The following BMPER variants were observed in gnomAD, a reference collection of about 807,000 sequenced individuals.
The protein encoded by BMPER is BMP-binding endothelial regulator protein.
Under a neutral mutation model 87.3 loss-of-function variants are expected in BMPER, and 45 were observed. That is an observed-to-expected ratio of 0.52 (90% confidence interval 0.41 to 0.66). The LOEUF (loss-of-function observed/expected upper bound fraction) is 0.66, where lower values mean the gene tolerates loss of function less well. BMPER is among the 30% of genes least tolerant of loss of function. The pLI, the probability that BMPER is intolerant of heterozygous loss-of-function variation, is 0.00. For synonymous variants in BMPER, 326 were observed against 316.2 expected, an observed-to-expected ratio of 1.03 and a Z score of -0.33; for missense variants, 784 against 867.5, an observed-to-expected ratio of 0.90 and a Z score of 1.21.
In BMPER at chr7:33,970,678, A is replaced by G. The variant is rs1402254314; in HGVS notation, c.493+259A>G. On this transcript the variant is annotated intron_variant, in intron 5 of 14. Coordinates refer to ENST00000649409, the MANE Select transcript of BMPER (RefSeq NM_001365308.1). ...TTTCCACTCCACAGGGCCACAGGTA[A>G]TGCTTATTTTGGAAGAAAAGGCTGT... 6.6e-5 allele frequency among the ~76,000 whole-genome samples: 10 copies of G among 152,160 alleles called. No individual in the cohort carries two copies. In the East Asian group the frequency reaches 1.9e-3, roughly 29 times the overall value.
At chr7:34,111,321 A>G (rs961002977) in intron 13 of BMPER, among the ~76,000 whole-genome samples, 1 of 152,192 alleles carries the variant, frequency 6.6e-6, no homozygotes, top group Non-Finnish European at 1.5e-5. Context: ...CCCTGCATCA[A>G]CCATTTTTGT....
intron 6 of BMPER, among the ~76,000 whole-genome samples, chr7:33,988,125 G>A (rs970128333): frequency 6.6e-6 from 1 of 151,976 alleles, no homozygotes; most frequent in Non-Finnish European, 1.5e-5. Flanking sequence ...TTTTCATGCT[G>A]TCATTTTATT....
At chr7:34,144,624 C>A (rs750557205) in intron 14 of BMPER, among the ~76,000 whole-genome samples, 2 of 151,956 alleles carry the variant, frequency 1.3e-5, no homozygotes, top group Non-Finnish European at 2.9e-5. Flanking sequence ...ATAATACCTG[C>A]TATCTAGTTA....
intron 6 of BMPER, among the ~76,000 whole-genome samples, chr7:34,021,201 T>TCATG (rs1322422151): frequency 6.6e-6 from 1 of 152,094 alleles, no homozygotes; most frequent in Non-Finnish European, 1.5e-5. Context: ...TTCTAACCAC[T>TCATG]GATGTTTGTT....
chr7:34,020,309 G>A (rs1434415883), intron 6 of BMPER, among the ~76,000 whole-genome samples: 3 of 151,964 alleles, frequency 2.0e-5, no homozygotes, highest in African/African-American at 4.8e-5. Flanking sequence ...CCTGCCTACT[G>A]GAAATCTGGT....
intron 6 of BMPER, among the ~76,000 whole-genome samples, chr7:33,989,334 T>C (rs2127924230): frequency 6.6e-6 from 1 of 151,090 alleles, no homozygotes; most frequent in Non-Finnish European, 1.5e-5. Context: ...GGTATCTCAT[T>C]GTGGTTTTGA....
At chr7:34,089,934 AT>A (rs1789333472) in intron 13 of BMPER, among the ~76,000 whole-genome samples, 1 of 151,934 alleles carries the variant, frequency 6.6e-6, no homozygotes, top group Non-Finnish European at 1.5e-5. Context: ...ATATTTCTTT[AT>A]TTTTTTCTGT....
chr7:34,025,648 G>A (rs2127948443), intron 6 of BMPER, among the ~76,000 whole-genome samples: 1 of 152,166 alleles, frequency 6.6e-6, no homozygotes, highest in Non-Finnish European at 1.5e-5. Flanking sequence ...AGTGACTGAG[G>A]CAGAAATCCA....
chr7:34,059,820 C>CT (rs900684454), intron 10 of BMPER, among the ~76,000 whole-genome samples: 1 of 150,930 alleles, frequency 6.6e-6, no homozygotes, highest in Non-Finnish European at 1.5e-5. Context: ...TGCATATTCT[C>CT]TTTTTCCAGA....
At chr7:34,030,449 A>C (rs2127950778) in intron 6 of BMPER, among the ~76,000 whole-genome samples, 1 of 152,244 alleles carries the variant, frequency 6.6e-6, no homozygotes, top group African/African-American at 2.4e-5. Flanking sequence ...CATATTTGTT[A>C]AAAGATTTTA....
intron 3 of BMPER, among the ~76,000 whole-genome samples, chr7:33,946,645 ATTGT>A (rs1212098727): frequency 6.6e-6 from 1 of 152,174 alleles, no homozygotes; most frequent in Non-Finnish European, 1.5e-5. Context: ...TTGTTTGTTG[ATTGT>A]TTGAGGAGGA....
intron 3 of BMPER, among the ~76,000 whole-genome samples, chr7:33,958,955 T>C (rs897773718): frequency 6.6e-6 from 1 of 152,148 alleles, no homozygotes; most frequent in African/African-American, 2.4e-5. Flanking sequence ...CTCATGGTAG[T>C]GAATAAGTCT....
intron 4 of BMPER, 149 bp from the exon 5 acceptor site, chr7:33,970,180 C>G: frequency 5.4e-6 from 4 of 735,918 alleles, no homozygotes; most frequent in Non-Finnish European, 9.8e-6. Flanking sequence ...TGGATCTCAC[C>G]TCGTTGGTGT....
At position 34,105,379 on chromosome 7, in the gene BMPER, C is replaced by T. The variant is rs529386708; in HGVS notation, c.1745+19287C>T. 2.0e-5 allele frequency among the ~76,000 whole-genome samples: 3 copies of T among 152,280 alleles called. No homozygotes were observed. In the South Asian group the frequency reaches 6.2e-4, roughly 32 times the overall value. ...CTTCCTTAGGAAAGGTCTAAGAAGA[C>T]AGGTTCAATTTGGGTTTTGTTCTTC... is the stretch of plus-strand genomic sequence containing the variant. On this transcript the variant is annotated intron_variant, in intron 13 of 14. Coordinates refer to ENST00000649409, the MANE Select transcript of BMPER (RefSeq NM_001365308.1).
chr7:33,939,044 A>G (rs563308334), intron 3 of BMPER, among the ~76,000 whole-genome samples: 35 of 152,126 alleles, frequency 2.3e-4, no homozygotes, highest in Non-Finnish European at 4.0e-4. Flanking sequence ...AACAAAAAAA[A>G]AGACAAAAAA....
chr7:34,121,958 A>AT (rs1482493099), intron 13 of BMPER, among the ~76,000 whole-genome samples: 6 of 63,400 alleles, frequency 9.5e-5, no homozygotes, highest in East Asian at 1.5e-3. Flanking sequence ...CCATCTCTAC[A>AT]ATTTTTTTTT....
At position 34,145,420 on chromosome 7, in the gene BMPER, C is replaced by T. The variant is rs137946099; in HGVS notation, c.1876+2060C>T. Among the ~76,000 whole-genome samples, 92 of 152,242 alleles carry T rather than the reference C, an allele frequency of 6.0e-4. 1 individual carries two copies. Among genetic ancestry groups the T allele is most frequent in the African/African-American group, 2.1e-3 (89 of 41,526 alleles). On this transcript the variant is annotated intron_variant, in intron 14 of 14. Coordinates refer to ENST00000649409, the MANE Select transcript of BMPER (RefSeq NM_001365308.1). ...AAGTGTGCCACTCTATCAATGCTGC[C>T]CTTCTCAGAGAAGTATTGATTCGAT...
In BMPER at chr7:34,083,136, C is replaced by T. The variant is rs181267915; in HGVS notation, c.1409-2620C>T. ...CACAGATTGAGTGTATCAGTGTTACCGGGGTAATTCATTTATTTACTGAGT... is the reference window on the plus strand; with the variant it reads ...CACAGATTGAGTGTATCAGTGTTACTGGGGTAATTCATTTATTTACTGAGT... On this transcript the variant is annotated intron_variant, in intron 12 of 14. Coordinates refer to ENST00000649409, the MANE Select transcript of BMPER (RefSeq NM_001365308.1). 2.1e-4 allele frequency among the ~76,000 whole-genome samples: 32 copies of T among 152,266 alleles called. 1 individual carries two copies. The highest frequency in any genetic ancestry group is 7.0e-4 in the African/African-American group (29 of 41,554).
At chr7:34,121,203 T>A (rs1790257163) in intron 13 of BMPER, among the ~76,000 whole-genome samples, 1 of 152,108 alleles carries the variant, frequency 6.6e-6, no homozygotes, top group Non-Finnish European at 1.5e-5. Context: ...TCTACTATCC[T>A]CTTCAAAATC....
Sources: gnomAD v4.1 joint callset for allele counts (sites outside exome capture counted in the v4.1 genomes callset) on GRCh38, gnomAD v4.1.1 for gene constraint, MANE v1.5 for transcripts, NCBI Gene and HGNC (gene_info 2026-07-23, HGNC 2026-07-21) for gene names.